The following PEAK1 variants were observed in gnomAD, a reference collection of about 807,000 sequenced individuals.
The protein encoded by PEAK1 is inactive tyrosine-protein kinase PEAK1.
PEAK1 carries 54 observed loss-of-function variants against 124.7 expected under a neutral mutation model. The observed-to-expected ratio is 0.43, with a 90% CI of 0.35 to 0.54. The LOEUF (loss-of-function observed/expected upper bound fraction) is 0.54, where lower values mean the gene tolerates loss of function less well. Ranked by LOEUF, PEAK1 falls within the 20% of genes least tolerant of loss-of-function variation. The pLI is 0.01. For synonymous variants in PEAK1, 719 were observed against 760.0 expected, an observed-to-expected ratio of 0.95 and a Z score of 0.89; for missense variants, 2,046 against 2,134.5, an observed-to-expected ratio of 0.96 and a Z score of 0.82.
At chr15:77,288,293 T>C (rs530418382) in intron 2 of PEAK1, among the ~76,000 whole-genome samples, 94 of 152,354 alleles carry the variant, frequency 6.2e-4, no homozygotes, top group African/African-American at 2.2e-3. Flanking sequence ...ACTGAACTAT[T>C]TGTCAATCCC....
intron 1 of PEAK1, among the ~76,000 whole-genome samples, chr15:77,377,314 G>T (rs561672512): frequency 6.6e-6 from 1 of 152,296 alleles, no homozygotes; most frequent in East Asian, 1.9e-4. Flanking sequence ...AGCCAGAAAG[G>T]TGGAGTCTGC....
intron 1 of PEAK1, chr15:77,403,276 G>A (rs2071530354): frequency 1.0e-6 from 1 of 983,736 alleles, no homozygotes; most frequent in African/African-American, 1.7e-5. Flanking sequence ...ATTTCAAATT[G>A]TTTACTCTGA....
intron 8 of PEAK1, among the ~76,000 whole-genome samples, chr15:77,152,919 A>G (rs1370345842): frequency 6.6e-6 from 1 of 152,202 alleles, no homozygotes; most frequent in Non-Finnish European, 1.5e-5. Flanking sequence ...TTTTGCATCA[A>G]TGTTCATCAA....
At chr15:77,412,856 TA>T (rs34499385) in intron 1 of PEAK1, among the ~76,000 whole-genome samples, 1 of 151,566 alleles carries the variant, frequency 6.6e-6, no homozygotes, top group Non-Finnish European at 1.5e-5. Context: ...TACATACGCA[TA>T]AAAAAAGGAT....
At chr15:77,123,854 C>G (rs1460641346) in intron 9 of PEAK1, among the ~76,000 whole-genome samples, 1 of 151,962 alleles carries the variant, frequency 6.6e-6, no homozygotes, top group Admixed American at 6.6e-5. Flanking sequence ...CCCACAGAGA[C>G]AGACAATGCA....
rs2050891370 is a variant in PEAK1, at chr15:77,109,984, G to C, written c.*4172C>G. The C allele has an allele frequency of 6.6e-6, 1 of 152,178 alleles. No homozygotes were observed. The highest frequency in any genetic ancestry group is 2.4e-5 in the African/African-American group (1 of 41,422). 9.4% of individuals were successfully genotyped at this position (152,178 alleles called of 1,614,324 possible). A position where few individuals can be genotyped will look rare whatever the true frequency, so the allele number is the denominator to read the frequency against. ...AAATCTAGAAGAAATCCTAATTGCA[G>C]TCAAATCTAGCGAAAACCCTAATTC... On this transcript the variant is annotated 3_prime_UTR_variant, in exon 10 of 10. Transcript: ENST00000682557.
chr15:77,137,023 G>C (rs975782597), intron 8 of PEAK1, among the ~76,000 whole-genome samples: 5 of 152,248 alleles, frequency 3.3e-5, no homozygotes, highest in African/African-American at 1.2e-4. Context: ...GGCCACTGTA[G>C]AGCTCAGGCT....
intron 2 of PEAK1, chr15:77,346,159 C>T: frequency 4.1e-6 from 4 of 981,310 alleles, no homozygotes; most frequent in Non-Finnish European, 4.8e-6. Flanking sequence ...CTCACCAATA[C>T]CAATAAATAA....
At chr15:77,262,920 A>G (rs2061518058) in intron 5 of PEAK1, among the ~76,000 whole-genome samples, 1 of 152,232 alleles carries the variant, frequency 6.6e-6, no homozygotes, top group Non-Finnish European at 1.5e-5. Context: ...GCCACAGTAC[A>G]ATCAAACTAG....
chr15:77,214,715 C>G (rs1164620880), intron 6 of PEAK1, among the ~76,000 whole-genome samples: 2 of 151,822 alleles, frequency 1.3e-5, no homozygotes, highest in Non-Finnish European at 2.9e-5. Context: ...CCTCAGGAAA[C>G]TTACAACTGT....
intron 1 of PEAK1, among the ~76,000 whole-genome samples, chr15:77,383,506 T>C (rs2069661559): frequency 1.3e-5 from 2 of 152,230 alleles, no homozygotes; most frequent in African/African-American, 4.8e-5. Flanking sequence ...GTCAGAACTC[T>C]GTTCAAAATC....
intron 2 of PEAK1, among the ~76,000 whole-genome samples, chr15:77,355,114 G>C (rs1041497001): frequency 1.3e-5 from 2 of 151,530 alleles, no homozygotes; most frequent in African/African-American, 4.9e-5. Flanking sequence ...AACACTACCT[G>C]CCTCTTCTCT....
At chr15:77,119,919 A>G (rs2051754819) in intron 9 of PEAK1, among the ~76,000 whole-genome samples, 1 of 152,224 alleles carries the variant, frequency 6.6e-6, no homozygotes, top group South Asian at 2.1e-4. Context: ...TGGGGAGAAG[A>G]TAGTGCTGTC....
Position 77,291,205 on chromosome 15 carries a change from T to C in PEAK1, c.-602-4701A>G, listed in dbSNP as rs1267080218. Among the ~76,000 whole-genome samples, 4 of 152,308 alleles carry C rather than the reference T, an allele frequency of 2.6e-5. No homozygotes were observed. The East Asian group carries it at 5.8e-4, about 22-fold the overall frequency. On this transcript the variant is annotated intron_variant, in intron 2 of 9. Transcript: ENST00000682557. ...GTTAATTTTCAACATAACACTGATATGTCAGAAAGTAGGGGTAATTCTCAT... is the reference window on the plus strand; with the variant it reads ...GTTAATTTTCAACATAACACTGATACGTCAGAAAGTAGGGGTAATTCTCAT...
chr15:77,346,557 T>C (rs953309443), intron 2 of PEAK1: 19 of 985,264 alleles, frequency 1.9e-5, no homozygotes, highest in East Asian at 1.1e-4. Flanking sequence ...AAGCAGAAAA[T>C]AGATGGAAAC....
intron 6 of PEAK1, among the ~76,000 whole-genome samples, chr15:77,202,627 G>T (rs762038318): frequency 5.3e-5 from 8 of 151,830 alleles, no homozygotes; most frequent in Non-Finnish European, 8.8e-5. Context: ...AAAAATAGCT[G>T]GGCATGGTGG....
intron 6 of PEAK1, among the ~76,000 whole-genome samples, chr15:77,231,283 T>C (rs2059900482): frequency 6.6e-6 from 1 of 152,242 alleles, no homozygotes; most frequent in South Asian, 2.1e-4. Context: ...GCTCCACTAA[T>C]TTCATGATGT....
chr15:77,266,771 A>G (rs2061757399), intron 5 of PEAK1, among the ~76,000 whole-genome samples: 1 of 152,168 alleles, frequency 6.6e-6, no homozygotes, highest in Non-Finnish European at 1.5e-5. Flanking sequence ...GACCCACATC[A>G]CGAACTTCTG....
intron 6 of PEAK1, among the ~76,000 whole-genome samples, chr15:77,232,971 T>C (rs2059970598): frequency 6.6e-6 from 1 of 152,192 alleles, no homozygotes; most frequent in South Asian, 2.1e-4. Flanking sequence ...GGTCTCGGAC[T>C]CCTAACCTCA....
Sources: allele counts gnomAD v4.1 joint callset (sites outside exome capture counted in the v4.1 genomes callset), GRCh38; gene constraint gnomAD v4.1.1; transcripts MANE v1.5; gene names NCBI Gene and HGNC (gene_info 2026-07-23, HGNC 2026-07-21).